UBE2W: variants seen among roughly 807,000 people sequenced by gnomAD.
UBE2W encodes ubiquitin-conjugating enzyme E2 W.
A neutral mutation model predicts 27.2 loss-of-function variants in UBE2W; 18 were observed. That is an observed-to-expected ratio of 0.66 (90% CI 0.46 to 0.98). UBE2W has a LOEUF of 0.98. UBE2W is among the 50% of genes least tolerant of loss of function. The probability of loss-of-function intolerance (pLI) is 0.00; values close to 1 mark genes in which losing one functional copy is unlikely to be tolerated. For missense variants in UBE2W, 90 were observed against 180.2 expected (o/e 0.50, Z 2.87); for synonymous variants, 53 against 57.2 (o/e 0.93, Z 0.33).
In UBE2W at chr8:73,826,658, A is replaced by G. The variant is rs533909998; in HGVS notation, c.108-1409T>C. Among the ~76,000 whole-genome samples, 9 of 152,330 alleles carry G rather than the reference A, an allele frequency of 5.9e-5. No individual in the cohort carries two copies. The South Asian group carries it at 1.9e-3, about 32-fold the overall frequency. On this transcript the variant is annotated intron_variant, in intron 2 of 5. Coordinates refer to ENST00000602593, the MANE Select transcript of UBE2W (RefSeq NM_018299.6). The stretch of plus-strand genomic sequence containing the variant: ...TAATAAAAGATACGACCACAGACCC[A>G]AGAGACAATATTTTATAGTGAAATT...
At chr8:73,864,239 C>T (rs1022951259) in intron 1 of UBE2W, among the ~76,000 whole-genome samples, 7 of 152,102 alleles carry the variant, frequency 4.6e-5, no homozygotes, top group Admixed American at 3.9e-4. Context: ...ACTAAAAATA[C>T]AAAAATTAGC....
chr8:73,868,162 G>C (rs1338976581), intron 1 of UBE2W, among the ~76,000 whole-genome samples: 1 of 152,222 alleles, frequency 6.6e-6, no homozygotes, highest in African/African-American at 2.4e-5. Context: ...CATGTGATTA[G>C]AGGGTGGAAA....
rs147744535 is a variant in UBE2W at position 73,813,505 on chromosome 8, T to C, written c.211-2876A>G. The stretch of plus-strand genomic sequence containing the variant: ...AGCAGGGGCTTTTTAACATACTGCA[T>C]GCAGGGCAAATGCAGCCACCCTAAA... On this transcript the variant is annotated intron_variant, in intron 3 of 5. Coordinates refer to ENST00000602593, the MANE Select transcript of UBE2W (RefSeq NM_018299.6). Among the ~76,000 whole-genome samples, 782 of 152,336 alleles carry C rather than the reference T, an allele frequency of 5.1e-3. 2 individuals are homozygous for C. The highest frequency in any genetic ancestry group is 6.3e-3 in the Non-Finnish European group (429 of 68,036).
chr8:73,822,362 A>C (rs1809650882), intron 3 of UBE2W, among the ~76,000 whole-genome samples: 3 of 152,086 alleles, frequency 2.0e-5, no homozygotes, highest in Admixed American at 2.0e-4. Context: ...ACCTTTAAAC[A>C]CAGGGCTTGC....
chr8:73,819,884 T>A (rs1318696415), intron 3 of UBE2W, among the ~76,000 whole-genome samples: 1 of 152,246 alleles, frequency 6.6e-6, no homozygotes, highest in Non-Finnish European at 1.5e-5. Context: ...AATTTCACAA[T>A]GAGATTCATC....
intron 3 of UBE2W, among the ~76,000 whole-genome samples, chr8:73,820,773 AAAC>A (rs932773286): frequency 1.3e-5 from 2 of 151,330 alleles, no homozygotes; most frequent in Non-Finnish European, 2.9e-5. Flanking sequence ...ACAAACAAAC[AAAC>A]AAACAAAAAA....
Position 73,781,206 on chromosome 8 carries a change from G to T in UBE2W, c.430-689C>A, listed in dbSNP as rs187214825. ...AATTGCTTGAACCTGGGAGGCGGAGGTTGCAGTGAGCCGAGATCGCGCCAT... is the reference window on the plus strand; with the variant it reads ...AATTGCTTGAACCTGGGAGGCGGAGTTTGCAGTGAGCCGAGATCGCGCCAT... On this transcript the variant is annotated intron_variant, in intron 4 of 4. Coordinates refer to the UBE2W transcript ENST00000523278. Among the ~76,000 whole-genome samples the T allele has an allele frequency of 3.3e-5, 5 of 149,880 alleles. 1 individual carries two copies. The Admixed American group carries it at 3.4e-4, about 10-fold the overall frequency.
Position 73,793,237 on chromosome 8 carries a change from A to G in UBE2W, c.*865T>C. Reference sequence around the variant, plus strand: ...GTTAACAGAGTGTAACTTACTTGGAAAAAATCTTTAATGTACAAATAACAA... The same window carrying G: ...GTTAACAGAGTGTAACTTACTTGGAGAAAATCTTTAATGTACAAATAACAA... On this transcript the variant is annotated 3_prime_UTR_variant, in exon 6 of 6. Transcript: ENST00000602593. 1 of 985,418 alleles carries G rather than the reference A, an allele frequency of 1.0e-6. No homozygotes were observed. The highest frequency in any genetic ancestry group is 1.2e-6 in the Non-Finnish European group (1 of 829,900). The allele number at this position is 985,418 out of a possible 1,614,324, so 61.0% of individuals were successfully genotyped here.
chr8:73,830,879 T>C (rs528925773), intron 1 of UBE2W, among the ~76,000 whole-genome samples: 3 of 152,348 alleles, frequency 2.0e-5, no homozygotes, highest in South Asian at 2.1e-4. Context: ...CAAATGTTCA[T>C]ACCTTTCTCT....
intron 2 of UBE2W, among the ~76,000 whole-genome samples, chr8:73,828,722 C>G (rs1363283436): frequency 6.6e-6 from 1 of 152,102 alleles, no homozygotes; most frequent in Non-Finnish European, 1.5e-5. Context: ...AATAATCACA[C>G]CAGGGTAAAT....
chr8:73,799,399 TA>T (rs1808548323), intron 5 of UBE2W, among the ~76,000 whole-genome samples: 1 of 152,190 alleles, frequency 6.6e-6, no homozygotes, highest in Non-Finnish European at 1.5e-5. Context: ...ACCAGTGCTC[TA>T]ACCCCTGAGC....
chr8:73,850,054 A>G (rs528584734), intron 1 of UBE2W, among the ~76,000 whole-genome samples: 14 of 152,302 alleles, frequency 9.2e-5, no homozygotes, highest in African/African-American at 3.1e-4. Flanking sequence ...ACACCTCTCA[A>G]AGTAATGAAC....
At chr8:73,808,558 G>A (rs1809016211) in intron 4 of UBE2W, among the ~76,000 whole-genome samples, 1 of 152,114 alleles carries the variant, frequency 6.6e-6, no homozygotes, top group African/African-American at 2.4e-5. Context: ...GGTTTCTTTG[G>A]AGCTTAGATC....
At chr8:73,862,028 T>TAAAACAGGTAC (rs1022164308) in intron 1 of UBE2W, among the ~76,000 whole-genome samples, 1 of 152,232 alleles carries the variant, frequency 6.6e-6, no homozygotes, top group Admixed American at 6.5e-5. Context: ...TCCTGAACTC[T>TAAAACAGGTAC]AAAACAGGTA....
At chr8:73,783,630 TC>T (rs1258005918), downstream of UBE2W, among the ~76,000 whole-genome samples, 1 of 152,158 alleles carries the variant, frequency 6.6e-6, no homozygotes, top group African/African-American at 2.4e-5. Flanking sequence ...TCTGCTCCCA[TC>T]CCCACATCCC....
intron 3 of UBE2W, among the ~76,000 whole-genome samples, chr8:73,818,229 AT>A (rs1406623022): frequency 1.3e-5 from 2 of 152,104 alleles, no homozygotes; most frequent in East Asian, 1.9e-4. Context: ...TCCTTCAATC[AT>A]ACTCCAAATT....
intron 5 of UBE2W, chr8:73,796,617 C>T (rs937895288): frequency 1.0e-6 from 1 of 983,136 alleles, no homozygotes; most frequent in Non-Finnish European, 1.2e-6. Flanking sequence ...CTTTGAATAC[C>T]CTCGTTTTGA....
chr8:73,787,272 T>C lies in UBE2W; in HGVS notation c.*6830A>G, dbSNP rs879544025. On this transcript the variant is annotated 3_prime_UTR_variant, in exon 6 of 6. Transcript: ENST00000602593. ...TTAGCTGTCTCACTTGCTTCTTCAATTTAGCTTATGTTTAATTTTGTTACG... is the reference window on the plus strand; with the variant it reads ...TTAGCTGTCTCACTTGCTTCTTCAACTTAGCTTATGTTTAATTTTGTTACG... 15 of 985,478 alleles carry C rather than the reference T, an allele frequency of 1.5e-5. No individual in the cohort carries two copies. Among genetic ancestry groups the C allele is most frequent in the Middle Eastern group, 1.0e-3 (2 of 1,914 alleles). The allele number at this position is 985,478 out of a possible 1,614,324, so 61.0% of individuals were successfully genotyped here.
intron 1 of UBE2W, among the ~76,000 whole-genome samples, chr8:73,867,950 T>C (rs1811848679): frequency 1.3e-5 from 2 of 152,328 alleles, no homozygotes; most frequent in African/African-American, 2.4e-5. Flanking sequence ...GAATGCATAA[T>C]GCTGCAGTTG....
Sources: gnomAD v4.1 joint callset for allele counts (sites outside exome capture counted in the v4.1 genomes callset) on GRCh38, gnomAD v4.1.1 for gene constraint, MANE v1.5 for transcripts, NCBI Gene and HGNC (gene_info 2026-07-23, HGNC 2026-07-21) for gene names.